The following GNAL variants were observed in gnomAD, a reference collection of about 807,000 sequenced individuals.
GNAL encodes the protein guanine nucleotide-binding protein G(olf) subunit alpha.
In GNAL, 18 loss-of-function variants were observed where a neutral mutation model predicts 55.1. That is an observed-to-expected ratio of 0.33 (90% CI 0.23 to 0.48). GNAL has a LOEUF of 0.48. Among genes scored for constraint, GNAL ranks in the 20% least tolerant of loss-of-function variants. The probability of loss-of-function intolerance (pLI) is 0.99; values close to 1 mark genes in which losing one functional copy is unlikely to be tolerated. For synonymous variants in GNAL, 253 were observed against 237.0 expected (o/e 1.07, Z -0.62); for missense variants, 412 against 614.1 (o/e 0.67, Z 3.48).
At chr18:11,867,064 T>C (rs2036279752) in intron 7 of GNAL, 104 bp from the exon 8 acceptor site, 4 of 849,418 alleles carry the variant, frequency 4.7e-6, no homozygotes, top group South Asian at 4.1e-5. Context: ...TCAAGACCCA[T>C]GTGTGAACGC....
chr18:11,862,590 T>C (rs1316186152), intron 6 of GNAL, 141 bp downstream of exon 6: 1 of 673,870 alleles, frequency 1.5e-6, no homozygotes, highest in East Asian at 2.7e-5. Context: ...CTGCCCTGTG[T>C]GTGTGCGTGG....
rs373777674 is a variant in GNAL at position 11,818,090 on chromosome 18, G to T, written c.625-6828G>T. 2.0e-4 allele frequency among the ~76,000 whole-genome samples: 30 copies of T among 151,778 alleles called. No individual in the cohort carries two copies. The East Asian group carries it at 4.7e-3, about 24-fold the overall frequency. On this transcript the variant is annotated intron_variant, in intron 4 of 11. Transcript: ENST00000334049. ...TTAAAAAAAAAAAAAAAAATTAGCC[G>T]GGTGTGGTGGCTCCTGCCTGTAGTC...
chr18:11,880,985 G>C lies in GNAL; in HGVS notation c.1231-4G>C. 1 of 1,613,724 alleles carries C rather than the reference G, an allele frequency of 6.2e-7. No individual in the cohort carries two copies. Among genetic ancestry groups the C allele is most frequent in the East Asian group, 2.2e-5 (1 of 44,872 alleles). Reference sequence around the variant, plus strand: ...AGGGCTAGTGCACACGCTCTCTCTTGCAGAGGATCAGCACGGCCACCGGTG... The same window carrying C: ...AGGGCTAGTGCACACGCTCTCTCTTCCAGAGGATCAGCACGGCCACCGGTG... On this transcript the variant is annotated splice_region_variant and splice_polypyrimidine_tract_variant and intron_variant, in intron 11 of 11. Transcript: ENST00000334049.
At chr18:11,746,338 A>C (rs2032686855) in intron 1 of GNAL, 3 of 320,154 alleles carry the variant, frequency 9.4e-6, no homozygotes, top group Non-Finnish European at 6.2e-6. Flanking sequence ...TGCCAGGTGC[A>C]GTGGCTCACA....
chr18:11,807,892 T>C (rs939977543), intron 4 of GNAL, among the ~76,000 whole-genome samples: 10 of 151,814 alleles, frequency 6.6e-5, no homozygotes, highest in African/African-American at 2.2e-4. Context: ...ACGGGGAGGG[T>C]GTAGTCAGCC....
intron 6 of GNAL, among the ~76,000 whole-genome samples, chr18:11,862,907 C>G (rs1192808179): frequency 7.0e-6 from 1 of 143,694 alleles, no homozygotes; most frequent in African/African-American, 2.6e-5. Flanking sequence ...GAAATGGAGT[C>G]TTGCTCTGTC....
At chr18:11,847,260 CAAAAAATGCAAACTG>C in intron 5 of GNAL, among the ~76,000 whole-genome samples, 1 of 151,958 alleles carries the variant, frequency 6.6e-6, no homozygotes, top group Middle Eastern at 3.4e-3. Context: ...CAAATATATG[CAAAAAATGCAAACTG>C]TGATAAGTAG....
chr18:11,831,999 T>C (rs1227730237), intron 5 of GNAL, among the ~76,000 whole-genome samples: 1 of 152,230 alleles, frequency 6.6e-6, no homozygotes, highest in East Asian at 1.9e-4. Context: ...CTGTGCAAAT[T>C]ACCAGAGATT....
At chr18:11,731,634 GTTT>G (rs755537755) in intron 1 of GNAL, among the ~76,000 whole-genome samples, 1 of 152,100 alleles carries the variant, frequency 6.6e-6, no homozygotes, top group Non-Finnish European at 1.5e-5. Context: ...ATTGCCATTT[GTTT>G]TTTTATTTCC....
intron 1 of GNAL, among the ~76,000 whole-genome samples, chr18:11,724,858 T>C (rs996097208): frequency 2.0e-5 from 3 of 152,190 alleles, no homozygotes; most frequent in African/African-American, 7.2e-5. Context: ...GGAAAGTCCT[T>C]ATCCCCAGAG....
At chr18:11,780,095 C>T (rs2033887946) in intron 4 of GNAL, among the ~76,000 whole-genome samples, 1 of 152,182 alleles carries the variant, frequency 6.6e-6, no homozygotes. Flanking sequence ...CTTAGGGTCT[C>T]AGATGGTTTG....
At chr18:11,824,737 G>A (rs1301415602) in intron 4 of GNAL, among the ~76,000 whole-genome samples, 181 bp from the exon 5 acceptor site, 2 of 151,922 alleles carry the variant, frequency 1.3e-5, no homozygotes, top group Non-Finnish European at 2.9e-5. Flanking sequence ...ATGATAACAT[G>A]CATGCATACA....
intron 1 of GNAL, among the ~76,000 whole-genome samples, chr18:11,732,785 A>T (rs2032368439): frequency 6.6e-6 from 1 of 152,224 alleles, no homozygotes; most frequent in African/African-American, 2.4e-5. Context: ...TTGTTTTGTC[A>T]ATGTAAATGT....
At chr18:11,792,278 C>T (rs923385279) in intron 4 of GNAL, among the ~76,000 whole-genome samples, 5 of 152,038 alleles carry the variant, frequency 3.3e-5, no homozygotes, top group Non-Finnish European at 7.4e-5. Flanking sequence ...TTCTACCTCC[C>T]GAGTTCAAGC....
At chr18:11,742,992 T>G (rs1003937428) in intron 1 of GNAL, among the ~76,000 whole-genome samples, 2 of 152,224 alleles carry the variant, frequency 1.3e-5, no homozygotes, top group African/African-American at 4.8e-5. Flanking sequence ...GGTAGCAATA[T>G]CCATGTGTTC....
At chr18:11,693,750 T>TC (rs1265008113) in intron 1 of GNAL, among the ~76,000 whole-genome samples, 2 of 151,328 alleles carry the variant, frequency 1.3e-5, no homozygotes, top group East Asian at 3.8e-4. Context: ...TCTTTTTTTT[T>TC]TTTTTTTTTT....
chr18:11,763,613 G>A (rs1226098758), intron 4 of GNAL, among the ~76,000 whole-genome samples: 2 of 151,960 alleles, frequency 1.3e-5, no homozygotes, highest in African/African-American at 4.8e-5. Flanking sequence ...CCAGCTTCAA[G>A]TGATCCACCT....
At chr18:11,692,420 G>A (rs1034628878) in intron 1 of GNAL, among the ~76,000 whole-genome samples, 1 of 152,210 alleles carries the variant, frequency 6.6e-6, no homozygotes, top group Non-Finnish European at 1.5e-5. Context: ...CGCGGGCTGA[G>A]CGGTAGCAGA....
intron 1 of GNAL, chr18:11,746,968 C>G (rs1274802761): frequency 5.8e-6 from 3 of 521,464 alleles, no homozygotes; most frequent in Non-Finnish European, 1.2e-5. Flanking sequence ...ATTTAATTTC[C>G]GAGTAGATTT....
Sources: gnomAD v4.1 joint callset for allele counts (sites outside exome capture counted in the v4.1 genomes callset) on GRCh38, gnomAD v4.1.1 for gene constraint, MANE v1.5 for transcripts, NCBI Gene and HGNC (gene_info 2026-07-23, HGNC 2026-07-21) for gene names.